TLL1: variants seen among roughly 807,000 people sequenced by gnomAD.
TLL1 encodes tolloid like 1.
In TLL1, 49 loss-of-function variants were observed where a neutral mutation model predicts 128.2. That is an observed-to-expected ratio of 0.38 (90% CI 0.30 to 0.48). TLL1 has a LOEUF of 0.48. Among genes scored for constraint, TLL1 ranks in the 20% least tolerant of loss-of-function variants. The pLI, the probability that TLL1 is intolerant of heterozygous loss-of-function variation, is 0.96. For missense variants in TLL1, 1,123 were observed against 1,242.0 expected (o/e 0.90, Z 1.44); for synonymous variants, 454 against 418.8 (o/e 1.08, Z -1.03).
intron 16 of TLL1, among the ~76,000 whole-genome samples, chr4:166,073,834 A>G (rs1402261898): frequency 1.3e-5 from 2 of 152,168 alleles, no homozygotes; most frequent in Admixed American, 1.3e-4. Context: ...CTAGGCCACC[A>G]AGAGCTTGCT....
At chr4:165,975,339 C>T (rs1408521780) in intron 1 of TLL1, among the ~76,000 whole-genome samples, 1 of 152,048 alleles carries the variant, frequency 6.6e-6, no homozygotes, top group Non-Finnish European at 1.5e-5. Flanking sequence ...CTCCCCCACG[C>T]CACCCAACCC....
intron 12 of TLL1, among the ~76,000 whole-genome samples, chr4:166,050,955 C>T (rs1410003717): frequency 3.3e-5 from 5 of 152,124 alleles, no homozygotes; most frequent in Admixed American, 3.3e-4. Flanking sequence ...GGCTCTACTT[C>T]TGATATCATT....
chr4:166,055,058 TA>T lies in TLL1; in HGVS notation c.1525-17del, dbSNP rs765735138. The T allele has an allele frequency of 5.0e-6, 8 of 1,603,272 alleles. No individual in the cohort carries two copies. The highest frequency in any genetic ancestry group is 1.7e-4 in the Middle Eastern group (1 of 5,996). ...TTATCTATAAACATATATTTTCACA[TA>T]TTTTTTTCTGTTGCAGATTGAAAGA... On this transcript the variant is annotated splice_polypyrimidine_tract_variant and intron_variant, in intron 12 of 20. Transcript: ENST00000061240.
intron 20 of TLL1, 23 bp from the exon 21 acceptor site, chr4:166,100,719 T>C (rs1742247008): frequency 6.2e-7 from 1 of 1,612,290 alleles, no homozygotes; most frequent in Admixed American, 1.7e-5. Context: ...GTTTACTTGC[T>C]TGTTGTTTTT....
At chr4:165,883,306 C>T (rs1404142605) in intron 1 of TLL1, among the ~76,000 whole-genome samples, 1 of 151,978 alleles carries the variant, frequency 6.6e-6, no homozygotes, top group Non-Finnish European at 1.5e-5. Context: ...CTTTCATTTC[C>T]TTTCTTTTTT....
chr4:166,003,021 T>C (rs748550167), intron 5 of TLL1, among the ~76,000 whole-genome samples: 30 of 152,160 alleles, frequency 2.0e-4, no homozygotes, highest in Non-Finnish European at 4.0e-4. Context: ...TAGAAATAAA[T>C]GTGTATTGAT....
At chr4:166,052,965 G>GTGTGTGTGTGTGTATATATATATA in intron 12 of TLL1, among the ~76,000 whole-genome samples, 4 of 99,646 alleles carry the variant, frequency 4.0e-5, no homozygotes, top group African/African-American at 1.5e-4. Flanking sequence ...GAGGTTATGT[G>GTGTGTGTGTGTGTATATATATATA]TATATATATA....
chr4:165,900,725 A>G (rs1731946293), intron 1 of TLL1, among the ~76,000 whole-genome samples: 1 of 151,912 alleles, frequency 6.6e-6, no homozygotes, highest in Admixed American at 6.6e-5. Context: ...TGGGTTTGCT[A>G]TTTTCAAGGA....
At chr4:165,933,479 G>C (rs971081033) in intron 1 of TLL1, among the ~76,000 whole-genome samples, 2 of 152,138 alleles carry the variant, frequency 1.3e-5, no homozygotes, top group African/African-American at 4.8e-5. Context: ...CTCGAGGTCT[G>C]CAGTCCATTC....
At chr4:165,927,104 G>A (rs945901031) in intron 1 of TLL1, among the ~76,000 whole-genome samples, 3 of 152,186 alleles carry the variant, frequency 2.0e-5, no homozygotes, top group Non-Finnish European at 4.4e-5. Flanking sequence ...GGGTTAAAGA[G>A]AGGAAATCCC....
intron 2 of TLL1, among the ~76,000 whole-genome samples, chr4:165,991,548 T>C (rs1414808619): frequency 6.6e-6 from 1 of 151,978 alleles, no homozygotes; most frequent in African/African-American, 2.4e-5. Context: ...AATGTGGCCA[T>C]GTAATGGAAG....
At chr4:166,024,301 A>G (rs76472974) in intron 8 of TLL1, among the ~76,000 whole-genome samples, 1,960 of 152,280 alleles carry the variant, frequency 0.013, 42 homozygotes, top group African/African-American at 0.045. Context: ...AACACAAGCT[A>G]GAAGATCCAT....
chr4:166,016,925 T>C (rs1232088497), intron 8 of TLL1, among the ~76,000 whole-genome samples: 1 of 151,992 alleles, frequency 6.6e-6, no homozygotes, highest in East Asian at 1.9e-4. Flanking sequence ...TTCTTCTATC[T>C]TGGCCTTTTT....
At chr4:165,933,465 G>A (rs958654706) in intron 1 of TLL1, among the ~76,000 whole-genome samples, 6 of 152,098 alleles carry the variant, frequency 3.9e-5, no homozygotes, top group East Asian at 1.9e-4. Context: ...TCATCATGGC[G>A]CATCTCGAGG....
intron 1 of TLL1, among the ~76,000 whole-genome samples, chr4:165,960,839 C>T (rs1735064282): frequency 6.6e-6 from 1 of 151,930 alleles, no homozygotes; most frequent in African/African-American, 2.4e-5. Flanking sequence ...TCTGACAAAC[C>T]CAGAGCCAAC....
intron 1 of TLL1, among the ~76,000 whole-genome samples, chr4:165,936,874 C>T (rs1441179945): frequency 6.6e-6 from 1 of 152,058 alleles, no homozygotes; most frequent in Non-Finnish European, 1.5e-5. Context: ...CAGAGATTGC[C>T]GTGAGCCGAG....
intron 11 of TLL1, 104 bp from the exon 12 acceptor site, chr4:166,043,170 G>A: frequency 6.8e-7 from 1 of 1,478,532 alleles, no homozygotes; most frequent in Non-Finnish European, 9.4e-7. Flanking sequence ...TGGTCTTTAT[G>A]TACTGAGCTA....
At chr4:165,893,287 T>C (rs1378508704) in intron 1 of TLL1, among the ~76,000 whole-genome samples, 1 of 151,468 alleles carries the variant, frequency 6.6e-6, no homozygotes, top group African/African-American at 2.4e-5. Context: ...GGACAAAATA[T>C]ATGGAGCAAT....
chr4:166,002,934 T>C (rs1438236825), intron 5 of TLL1, among the ~76,000 whole-genome samples: 1 of 152,196 alleles, frequency 6.6e-6, no homozygotes, highest in African/African-American at 2.4e-5. Context: ...GAAATAATAT[T>C]GAATTATTGT....
Sources: gnomAD v4.1 joint callset for allele counts (sites outside exome capture counted in the v4.1 genomes callset) on GRCh38, gnomAD v4.1.1 for gene constraint, MANE v1.5 for transcripts, NCBI Gene and HGNC (gene_info 2026-07-23, HGNC 2026-07-21) for gene names.